The following GRID1 variants were observed in gnomAD, a reference collection of about 807,000 sequenced individuals.
The protein encoded by GRID1 is glutamate receptor ionotropic, delta-1.
In GRID1, 28 loss-of-function variants were observed where a neutral mutation model predicts 98.0. The observed-to-expected ratio is 0.29, with a 90% CI of 0.21 to 0.39. The LOEUF (loss-of-function observed/expected upper bound fraction) is 0.39. GRID1 is among the 10% of genes least tolerant of loss of function. The probability of loss-of-function intolerance (pLI) is 1.00; values close to 1 mark genes in which losing one functional copy is unlikely to be tolerated. For synonymous variants in GRID1, 553 were observed against 538.5 expected (o/e 1.03, Z -0.37); for missense variants, 1,111 against 1,340.5 (o/e 0.83, Z 2.67).
intron 5 of GRID1, among the ~76,000 whole-genome samples, chr10:85,884,499 T>A (rs1841084262): frequency 1.3e-5 from 2 of 152,204 alleles, no homozygotes; most frequent in African/African-American, 2.4e-5. Flanking sequence ...TGCACTCTCC[T>A]CCATTTGGCC....
intron 4 of GRID1, among the ~76,000 whole-genome samples, chr10:86,063,905 G>C (rs1843683370): frequency 6.6e-6 from 1 of 152,162 alleles, no homozygotes; most frequent in African/African-American, 2.4e-5. Flanking sequence ...TAAGTATAGA[G>C]ATGAAGAGTT....
intron 12 of GRID1, among the ~76,000 whole-genome samples, chr10:85,659,000 T>C (rs1840934402): frequency 6.6e-6 from 1 of 152,122 alleles, no homozygotes; most frequent in Non-Finnish European, 1.5e-5. Context: ...GCAAAGATAA[T>C]GGAAAAATGA....
intron 3 of GRID1, among the ~76,000 whole-genome samples, chr10:86,168,417 G>A (rs1845432575): frequency 6.6e-6 from 1 of 152,176 alleles, no homozygotes; most frequent in African/African-American, 2.4e-5. Context: ...GAGATGGGAG[G>A]CCCTGCCCAA....
chr10:86,297,730 G>A (rs1385398933), intron 2 of GRID1, among the ~76,000 whole-genome samples: 2 of 152,168 alleles, frequency 1.3e-5, no homozygotes, highest in Non-Finnish European at 2.9e-5. Context: ...TATAATATAA[G>A]GAGTTCACAC....
At chr10:85,809,160 A>C (rs1405743988) in intron 8 of GRID1, among the ~76,000 whole-genome samples, 2 of 152,146 alleles carry the variant, frequency 1.3e-5, no homozygotes, top group Non-Finnish European at 2.9e-5. Flanking sequence ...GTTAACCTAT[A>C]AATATGTTTA....
intron 2 of GRID1, among the ~76,000 whole-genome samples, chr10:86,336,626 T>C (rs532891517): frequency 2.0e-5 from 3 of 152,212 alleles, no homozygotes; most frequent in African/African-American, 7.2e-5. Flanking sequence ...CCCCACCCAG[T>C]AGGCTCCAGG....
intron 3 of GRID1, among the ~76,000 whole-genome samples, chr10:86,147,277 G>A (rs749001054): frequency 7.2e-5 from 11 of 152,036 alleles, no homozygotes; most frequent in Non-Finnish European, 5.9e-5. Flanking sequence ...TCTACCCTCT[G>A]TATTAACCAT....
chr10:86,277,082 T>G (rs1847283085), intron 2 of GRID1, among the ~76,000 whole-genome samples: 2 of 152,176 alleles, frequency 1.3e-5, no homozygotes, highest in African/African-American at 4.8e-5. Context: ...GGAGAGTTAT[T>G]GTTTAACAGG....
At chr10:85,877,722 C>A (rs1840918115) in intron 5 of GRID1, among the ~76,000 whole-genome samples, 2 of 152,238 alleles carry the variant, frequency 1.3e-5, no homozygotes, top group Non-Finnish European at 2.9e-5. Context: ...ACCTCTCCTC[C>A]TCCAAAGGAA....
chr10:85,879,745 A>G (rs1840970332), intron 5 of GRID1, among the ~76,000 whole-genome samples: 1 of 152,238 alleles, frequency 6.6e-6, no homozygotes, highest in Non-Finnish European at 1.5e-5. Context: ...TTCAAAAGCT[A>G]GCAGAAGGCA....
At chr10:86,126,138 G>A (rs191894702) in intron 4 of GRID1, among the ~76,000 whole-genome samples, 229 of 152,280 alleles carry the variant, frequency 1.5e-3, no homozygotes, top group African/African-American at 5.2e-3. Flanking sequence ...AAACAGGGGT[G>A]GTACCTTGAG....
intron 8 of GRID1, among the ~76,000 whole-genome samples, chr10:85,853,282 C>G (rs116797670): frequency 0.012 from 1,842 of 152,334 alleles, 37 homozygotes; most frequent in African/African-American, 0.041. Flanking sequence ...TAGCCCTTGC[C>G]TCTCCCTCCA....
chr10:85,733,582 T>C (rs1371176094), intron 8 of GRID1, among the ~76,000 whole-genome samples: 1 of 152,206 alleles, frequency 6.6e-6, no homozygotes, highest in Non-Finnish European at 1.5e-5. Context: ...TACAAAAAAA[T>C]ACAGAAAAAT....
chr10:86,066,772 G>A (rs762195781), intron 4 of GRID1, among the ~76,000 whole-genome samples: 4 of 152,204 alleles, frequency 2.6e-5, no homozygotes, highest in South Asian at 2.1e-4. Context: ...GCTCTTTCCT[G>A]TCATCAGGCC....
At chr10:85,772,190 A>G (rs1471365571) in intron 8 of GRID1, among the ~76,000 whole-genome samples, 1 of 152,130 alleles carries the variant, frequency 6.6e-6, no homozygotes, top group African/African-American at 2.4e-5. Context: ...ACTCAACTAC[A>G]TGGAAACTGA....
intron 5 of GRID1, among the ~76,000 whole-genome samples, chr10:85,878,607 G>C (rs1840944197): frequency 6.6e-6 from 1 of 152,128 alleles, no homozygotes; most frequent in African/African-American, 2.4e-5. Flanking sequence ...CCCTAAAAGA[G>C]CTCCTGAAGG....
At chr10:85,678,209 G>C (rs1363052584) in intron 12 of GRID1, among the ~76,000 whole-genome samples, 1 of 152,156 alleles carries the variant, frequency 6.6e-6, no homozygotes, top group Non-Finnish European at 1.5e-5. Context: ...GTTCTGCTGG[G>C]AGGAAAGGGG....
intron 2 of GRID1, among the ~76,000 whole-genome samples, chr10:86,273,361 T>A (rs11595281): frequency 8.6e-6 from 1 of 115,956 alleles, no homozygotes; most frequent in African/African-American, 2.7e-5. Context: ...TGAATAGTGC[T>A]GCAATAAACA....
intron 4 of GRID1, among the ~76,000 whole-genome samples, chr10:86,000,856 C>A (rs1057457848): frequency 1.8e-4 from 27 of 152,122 alleles, no homozygotes; most frequent in African/African-American, 6.5e-4. Context: ...CAAACCCACT[C>A]CTGGGTGTTA....
Sources: gnomAD v4.1 joint callset for allele counts (sites outside exome capture counted in the v4.1 genomes callset) on GRCh38, gnomAD v4.1.1 for gene constraint, MANE v1.5 for transcripts, NCBI Gene and HGNC (gene_info 2026-07-23, HGNC 2026-07-21) for gene names.